TSHZ2: variants seen among roughly 807,000 people sequenced by gnomAD.
TSHZ2 encodes teashirt zinc finger homeobox 2, also known as teashirt homolog 2.
TSHZ2 carries 21 observed loss-of-function variants against 74.4 expected under a neutral mutation model. That is an observed-to-expected ratio of 0.28 (90% CI 0.20 to 0.41). The LOEUF (loss-of-function observed/expected upper bound fraction) is 0.41. Among genes scored for constraint, TSHZ2 ranks in the 10% least tolerant of loss-of-function variants. The pLI, the probability that TSHZ2 is intolerant of heterozygous loss-of-function variation, is 1.00. For missense variants in TSHZ2, 1,244 were observed against 1,293.5 expected (o/e 0.96, Z 0.59); for synonymous variants, 540 against 515.3 (o/e 1.05, Z -0.65).
At chr20:53,010,809 A>G (rs1393121291) in intron 1 of TSHZ2, among the ~76,000 whole-genome samples, 1 of 152,176 alleles carries the variant, frequency 6.6e-6, no homozygotes, top group Non-Finnish European at 1.5e-5. Flanking sequence ...ATTTTCCCCA[A>G]ATTGCTATTA....
intron 2 of TSHZ2, chr20:53,397,863 A>G (rs949005908): frequency 3.3e-5 from 5 of 152,258 alleles, no homozygotes; most frequent in African/African-American, 1.2e-4. Context: ...ATTCTGAGCA[A>G]ACTATCGCAA....
intron 1 of TSHZ2, among the ~76,000 whole-genome samples, chr20:53,031,018 ATTTC>A (rs1347286506): frequency 6.6e-6 from 1 of 152,028 alleles, no homozygotes; most frequent in Non-Finnish European, 1.5e-5. Context: ...TTTTTTTAAA[ATTTC>A]TTTCTATTCT....
chr20:53,120,389 T>C (rs372097087), intron 1 of TSHZ2, among the ~76,000 whole-genome samples: 2 of 152,316 alleles, frequency 1.3e-5, no homozygotes, highest in African/African-American at 4.8e-5. Flanking sequence ...TGTCAGAGTT[T>C]ATTGCAACTA....
intron 1 of TSHZ2, among the ~76,000 whole-genome samples, chr20:53,044,903 G>T (rs2123108841): frequency 6.6e-6 from 1 of 152,006 alleles, no homozygotes; most frequent in East Asian, 1.9e-4. Flanking sequence ...GTAGAAACGG[G>T]GTCTCACTTT....
At chr20:53,030,736 A>C (rs1450270349) in intron 1 of TSHZ2, among the ~76,000 whole-genome samples, 1 of 152,252 alleles carries the variant, frequency 6.6e-6, no homozygotes, top group Non-Finnish European at 1.5e-5. Context: ...TCACCCACAG[A>C]TATCACCACT....
intron 2 of TSHZ2, among the ~76,000 whole-genome samples, chr20:53,268,081 A>G (rs1295018767): frequency 6.6e-6 from 1 of 152,170 alleles, no homozygotes; most frequent in Non-Finnish European, 1.5e-5. Context: ...TTGGGGATGG[A>G]GCCTTCGGAG....
chr20:53,238,751 C>G (rs554956422), intron 1 of TSHZ2, among the ~76,000 whole-genome samples: 1 of 150,004 alleles, frequency 6.7e-6, no homozygotes, highest in Non-Finnish European at 1.5e-5. Context: ...TCTGTTGTCT[C>G]CTTTCCAATG....
chr20:53,459,624 C>T (rs901058740), intron 2 of TSHZ2, among the ~76,000 whole-genome samples: 93 of 141,658 alleles, frequency 6.6e-4, no homozygotes, highest in African/African-American at 2.3e-3. Flanking sequence ...TGATTTTGCT[C>T]GTTAGTTGAT....
intron 1 of TSHZ2, among the ~76,000 whole-genome samples, chr20:52,978,028 C>G (rs1270681826): frequency 6.6e-6 from 1 of 152,192 alleles, no homozygotes; most frequent in African/African-American, 2.4e-5. Flanking sequence ...AGAAATACCT[C>G]CCAAGTATTT....
intron 2 of TSHZ2, among the ~76,000 whole-genome samples, chr20:53,424,939 C>G (rs551071618): frequency 1.3e-5 from 2 of 152,314 alleles, no homozygotes; most frequent in East Asian, 1.9e-4. Flanking sequence ...TGTATATATA[C>G]CACATTTTCT....
intron 1 of TSHZ2, among the ~76,000 whole-genome samples, chr20:53,006,861 A>G (rs949210357): frequency 1.3e-5 from 2 of 151,968 alleles, no homozygotes; most frequent in Non-Finnish European, 2.9e-5. Context: ...GTTTGGGGTC[A>G]AACATGAATA....
intron 2 of TSHZ2, among the ~76,000 whole-genome samples, chr20:53,442,202 G>A (rs1326270677): frequency 6.6e-6 from 1 of 152,096 alleles, no homozygotes; most frequent in East Asian, 1.9e-4. Flanking sequence ...GTGTGTAAAG[G>A]AGACAGTTCT....
chr20:53,166,147 C>T (rs7262102), intron 1 of TSHZ2, among the ~76,000 whole-genome samples: 12,735 of 152,232 alleles, frequency 0.084, 1,327 homozygotes, highest in African/African-American at 0.25. Context: ...AGCTTAGAGT[C>T]CTTGTTAGAT....
At chr20:53,481,171 GT>G (rs2145854910) in intron 2 of TSHZ2, among the ~76,000 whole-genome samples, 1 of 152,216 alleles carries the variant, frequency 6.6e-6, no homozygotes, top group South Asian at 2.1e-4. Flanking sequence ...ACTAACAACA[GT>G]TCTCTTATTC....
chr20:53,311,899 T>C (rs1197049899), intron 2 of TSHZ2, among the ~76,000 whole-genome samples: 2 of 151,942 alleles, frequency 1.3e-5, no homozygotes, highest in African/African-American at 4.8e-5. Flanking sequence ...CTTGGAAACA[T>C]AGGGAGATAT....
intron 1 of TSHZ2, among the ~76,000 whole-genome samples, chr20:53,123,835 C>T (rs1435734063): frequency 1.3e-5 from 2 of 152,140 alleles, no homozygotes; most frequent in Non-Finnish European, 2.9e-5. Context: ...GGCTTTGAAC[C>T]CATACATGCC....
intron 1 of TSHZ2, among the ~76,000 whole-genome samples, chr20:53,169,392 G>T (rs188722854): frequency 3.9e-5 from 6 of 152,176 alleles, no homozygotes; most frequent in African/African-American, 1.4e-4. Flanking sequence ...CTTGACCAAT[G>T]CTCCACACTG....
chr20:53,473,293 C>T lies in TSHZ2; in HGVS notation c.*9-13851C>T, dbSNP rs542041203. Among the ~76,000 whole-genome samples the T allele has an allele frequency of 8.6e-4, 123 of 143,482 alleles. 1 individual carries two copies. Among genetic ancestry groups the T allele is most frequent in the African/African-American group, 2.6e-3 (97 of 37,614 alleles). The allele number at this position is 143,482 out of a possible 152,430, so 94.1% of individuals were successfully genotyped here. On this transcript the variant is annotated intron_variant, in intron 2 of 2. Coordinates refer to ENST00000371497, the MANE Select transcript of TSHZ2 (RefSeq NM_173485.6). The stretch of plus-strand genomic sequence containing the variant: ...TTGAAGAGAGCAGTGGTTCTCCCAG[C>T]ACGCAGCTGGAGATCTGAGAACGGG...
intron 2 of TSHZ2, among the ~76,000 whole-genome samples, chr20:53,293,160 T>C (rs1249998317): frequency 6.6e-6 from 1 of 152,222 alleles, no homozygotes; most frequent in African/African-American, 2.4e-5. Context: ...TTCTATACTT[T>C]TTAGTATAAA....
Sources: allele counts gnomAD v4.1 joint callset (sites outside exome capture counted in the v4.1 genomes callset), GRCh38; gene constraint gnomAD v4.1.1; transcripts MANE v1.5; gene names NCBI Gene and HGNC (gene_info 2026-07-23, HGNC 2026-07-21).